Variants in DRC1 observed in about 807,000 individuals in gnomAD.
The protein encoded by DRC1 is dynein regulatory complex protein 1.
A neutral mutation model predicts 98.7 loss-of-function variants in DRC1; 74 were observed. The observed-to-expected ratio is 0.75, with a 90% CI of 0.62 to 0.91. DRC1 has a LOEUF of 0.91. Among genes scored for constraint, DRC1 ranks in the 40% least tolerant of loss-of-function variants. The pLI is 0.00. For missense variants in DRC1, 875 were observed against 886.0 expected, an observed-to-expected ratio of 0.99 and a Z score of 0.16; for synonymous variants, 336 against 334.1, an observed-to-expected ratio of 1.01 and a Z score of -0.06.
At chr2:26,455,327 C>A (rs932762795) in intron 16 of DRC1, 94 bp downstream of exon 16, 15 of 1,173,136 alleles carry the variant, frequency 1.3e-5, no homozygotes, top group Admixed American at 2.2e-5. Context: ...GTCCCCTCCC[C>A]GTCAGAGGCA....
At chr2:26,448,503 C>T (rs1014037029) in intron 10 of DRC1, 188 bp from the exon 11 acceptor site, 2 of 714,554 alleles carry the variant, frequency 2.8e-6, no homozygotes, top group African/African-American at 1.7e-5. Context: ...CTGATTCCGA[C>T]CCCCTAGCCC....
At position 26,440,667 on chromosome 2, in the gene DRC1, A is replaced by G. The variant is rs1394963759; in HGVS notation, c.1028+150A>G. The G allele has an allele frequency of 1.2e-5, 13 of 1,048,030 alleles. No homozygotes were observed. The East Asian group carries it at 2.7e-4, about 21-fold the overall frequency. The allele number at this position is 1,048,030 out of a possible 1,614,324, so 64.9% of individuals were successfully genotyped here. A position where few individuals can be genotyped will look rare whatever the true frequency, so the allele number is the denominator to read the frequency against. On this transcript the variant is annotated intron_variant, in intron 8 of 16. Coordinates refer to ENST00000288710, the MANE Select transcript of DRC1 (RefSeq NM_145038.5). ...TTTTTTGGAAAAGTTAATACATTCA[A>G]TCTCTCCCCAAGAAAAGAGTACATA... is the stretch of plus-strand genomic sequence containing the variant.
At chr2:26,451,508 T>C (rs75834870) in intron 13 of DRC1, among the ~76,000 whole-genome samples, 2,305 of 152,298 alleles carry the variant, frequency 0.015, 56 homozygotes, top group African/African-American at 0.05. Context: ...TATCCTGACA[T>C]GCCTGTAAAA....
At chr2:26,429,588 G>T in intron 4 of DRC1, 40 bp from the exon 5 acceptor site, 2 of 1,607,200 alleles carry the variant, frequency 1.2e-6, no homozygotes, top group South Asian at 2.2e-5. Context: ...TTCTGCTCCT[G>T]ACACAGTTTG....
At position 26,424,438 on chromosome 2, in the gene DRC1, T is replaced by C. The variant is rs1572363786; in HGVS notation, c.524T>C (p.Ile175Thr). The part of the protein sequence containing the change: ...AGLLEDKNKL[I>T]SELQQELKTK... ...CTCTTAGAAGATAAGAATAAACTCATCAGCGAGTTACAGCAGGCAAGAGGC... is the reference window on the plus strand; with the variant it reads ...CTCTTAGAAGATAAGAATAAACTCACCAGCGAGTTACAGCAGGCAAGAGGC... Residue 175 changes from isoleucine (I) to threonine (T), a missense_variant, in exon 4 of 17, where the codon ATC becomes ACC. Ile to Thr is a moderately conservative substitution (Grantham distance 89, BLOSUM62 -1). Transcript: ENST00000288710. 2.5e-6 allele frequency: 4 copies of C among 1,609,506 alleles called. No individual in the cohort carries two copies. The African/African-American group carries it at 5.3e-5, about 22-fold the overall frequency.
In DRC1 at chr2:26,449,474, C is replaced by G. The variant is rs375293047; in HGVS notation, c.1510-522C>G. On this transcript the variant is annotated intron_variant, in intron 11 of 16. Transcript: ENST00000288710. ...CAGCTGGATGCAGAGGCCACCTCCC[C>G]ATGGAGCTCTCCCCCAGGCATCCCA... 6.6e-5 allele frequency among the ~76,000 whole-genome samples: 10 copies of G among 152,370 alleles called. No homozygotes were observed. In the East Asian group the frequency reaches 1.7e-3, roughly 26 times the overall value.
chr2:26,406,158 A>G (rs1490636391), intron 1 of DRC1, among the ~76,000 whole-genome samples: 1 of 152,250 alleles, frequency 6.6e-6, no homozygotes, highest in Non-Finnish European at 1.5e-5. Flanking sequence ...ATATATTATT[A>G]ATAGCCAACA....
At chr2:26,455,035 C>T in intron 15 of DRC1, 96 bp from the exon 16 acceptor site, 1 of 1,449,624 alleles carries the variant, frequency 6.9e-7, no homozygotes, top group Middle Eastern at 1.7e-4. Flanking sequence ...GAGTCTCCCT[C>T]CACCTGTAGC....
At position 26,449,980 on chromosome 2, in the gene DRC1, T is replaced by A; in HGVS notation, c.1510-16T>A. The A allele has an allele frequency of 6.2e-7, 1 of 1,612,756 alleles. No homozygotes were observed. The highest frequency in any genetic ancestry group is 1.3e-5 in the African/African-American group (1 of 75,028). On this transcript the variant is annotated splice_polypyrimidine_tract_variant and intron_variant, in intron 11 of 16. Transcript: ENST00000288710. ...AACCTGTCCCCGACAGGAGATGCCT[T>A]CTTCCTTCTCCCCAGGGGTTCCTCA...
At chr2:26,450,205 C>G in intron 12 of DRC1, 120 bp downstream of exon 12, 2 of 854,394 alleles carry the variant, frequency 2.3e-6, no homozygotes, top group Non-Finnish European at 3.7e-6. Context: ...TCCCCTGCTC[C>G]CTGTCACATC....
In DRC1 at chr2:26,456,637, C is replaced by T; in HGVS notation, c.*120C>T. ...TGCTCTCTGGATTTTCCAGGGCTGT[C>T]TTTATAGCCTGTCGAAATAAGGAGC... On this transcript the variant is annotated 3_prime_UTR_variant, in exon 17 of 17. Transcript: ENST00000288710. The T allele has an allele frequency of 1.7e-6, 2 of 1,159,546 alleles. No individual in the cohort carries two copies. The highest frequency in any genetic ancestry group is 2.5e-6 in the Non-Finnish European group (2 of 798,970). The allele number at this position is 1,159,546 out of a possible 1,614,324, so 71.8% of individuals were successfully genotyped here.
chr2:26,437,895 C>A (rs1327591117), intron 7 of DRC1, among the ~76,000 whole-genome samples: 1 of 151,540 alleles, frequency 6.6e-6, no homozygotes, highest in East Asian at 1.9e-4. Context: ...TTGAGACAAG[C>A]CTGGCCAACA....
intron 1 of DRC1, among the ~76,000 whole-genome samples, chr2:26,408,229 C>T (rs1678485522): frequency 1.3e-5 from 2 of 152,120 alleles, no homozygotes; most frequent in Admixed American, 6.5e-5. Context: ...TCTCTTTGCA[C>T]AGAAGATTGG....
In DRC1 at chr2:26,454,666, A is replaced by T; in HGVS notation, c.1939A>T (p.Arg647Trp). Reference protein sequence around the residue: ...KKPRDSRAPLRVQKNVRDNSK... With the variant: ...KKPRDSRAPLWVQKNVRDNSK... Reference sequence around the variant, plus strand: ...CTTCAGGGACTCGCGGGCCCCGCTGAGGGTACAGAAGAATGTGCGTGACAA... The same window carrying T: ...CTTCAGGGACTCGCGGGCCCCGCTGTGGGTACAGAAGAATGTGCGTGACAA... The change falls in exon 15 of 17, where the codon AGG (arginine) becomes TGG (tryptophan). Residue 647 changes from arginine (R) to tryptophan (W), a missense_variant. Arg to Trp is a moderately radical substitution (Grantham distance 101). Transcript: ENST00000288710. This position sits in a 1 kb window ranked among gnomAD's most constrained non-coding sequence, Gnocchi z 5.2. 2 of 1,614,088 alleles carry T rather than the reference A, an allele frequency of 1.2e-6. No homozygotes were observed. The highest frequency in any genetic ancestry group is 1.7e-6 in the Non-Finnish European group (2 of 1,180,002).
intron 1 of DRC1, among the ~76,000 whole-genome samples, chr2:26,405,793 T>C (rs916387354): frequency 9.9e-5 from 15 of 151,520 alleles, no homozygotes; most frequent in African/African-American, 3.6e-4. Flanking sequence ...CCCGAGTAAC[T>C]GGGATTACAG....
intron 8 of DRC1, among the ~76,000 whole-genome samples, chr2:26,442,129 G>A (rs1212063696): frequency 6.6e-6 from 1 of 152,234 alleles, no homozygotes; most frequent in Non-Finnish European, 1.5e-5. Flanking sequence ...GAGCGGGAGA[G>A]CAAGCTGGCC....
Position 26,453,416 on chromosome 2 carries a change from G to A in DRC1, c.1786G>A (p.Gly596Arg), listed in dbSNP as rs758422784. The A allele has an allele frequency of 6.2e-7, 1 of 1,614,172 alleles. No individual in the cohort carries two copies. Among genetic ancestry groups the A allele is most frequent in the South Asian group, 1.1e-5 (1 of 91,088 alleles). ...LELAEQTEME[G>R]EKEESLVEGE... is the part of the protein sequence containing the mutation. ...GCTGGCAGAGCAGACGGAGATGGAG[G>A]GAGAAAAGGAAGAAAGCCTGGTGGA... The change falls in exon 14 of 17, where the codon GGA (glycine) becomes AGA (arginine). Residue 596 changes from glycine to arginine, a missense_variant. Transcript: ENST00000288710.
Position 26,440,480 on chromosome 2 carries a change from A to G in DRC1, c.991A>G (p.Thr331Ala), listed in dbSNP as rs770895002. 9 of 1,613,268 alleles carry G rather than the reference A, an allele frequency of 5.6e-6. No individual in the cohort carries two copies. In the South Asian group the frequency reaches 9.9e-5, roughly 18 times the overall value. Residue 331 changes from threonine to alanine, a missense_variant, in exon 8 of 17, where the codon ACA (threonine) becomes GCA (alanine). By Grantham distance (58) the Thr-to-Ala change is moderately conservative (BLOSUM62 0). Transcript: ENST00000288710. ...QVLKKRDEESTVIKSQQKRKI... is the reference protein window; with the variant it reads ...QVLKKRDEESAVIKSQQKRKI... ...GCTGAAGAAGAGAGATGAAGAAAGCACAGTAATTAAATCCCAGCAGAAGAG... is the reference window on the plus strand; with the variant it reads ...GCTGAAGAAGAGAGATGAAGAAAGCGCAGTAATTAAATCCCAGCAGAAGAG...
intron 1 of DRC1, among the ~76,000 whole-genome samples, chr2:26,412,541 C>T (rs72852756): frequency 0.049 from 7,412 of 152,112 alleles, 554 homozygotes; most frequent in African/African-American, 0.16. Flanking sequence ...CCATGCCTCC[C>T]CTGAAGAAGT....
Sources: allele counts gnomAD v4.1 joint callset (sites outside exome capture counted in the v4.1 genomes callset), GRCh38; gene constraint gnomAD v4.1.1; non-coding constraint Gnocchi (gnomAD v3.1); transcripts MANE v1.5; gene names NCBI Gene and HGNC (gene_info 2026-07-23, HGNC 2026-07-21).